The following PRKACB variants were observed in gnomAD, a reference collection of about 807,000 sequenced individuals.
The protein encoded by PRKACB is protein kinase cAMP-activated catalytic subunit beta.
Under a neutral mutation model 51.4 loss-of-function variants are expected in PRKACB, and 16 were observed. That is an observed-to-expected ratio of 0.31 (90% CI 0.21 to 0.47). PRKACB has a LOEUF of 0.47. Among genes scored for constraint, PRKACB ranks in the 20% least tolerant of loss-of-function variants. The probability of loss-of-function intolerance (pLI) is 1.00; values close to 1 mark genes in which losing one functional copy is unlikely to be tolerated. For missense variants in PRKACB, 309 were observed against 464.5 expected (o/e 0.67, Z 3.08); for synonymous variants, 147 against 154.4 (o/e 0.95, Z 0.35).
At chr1:84,081,671 A>C (rs765723464) in intron 1 of PRKACB, among the ~76,000 whole-genome samples, 2 of 152,124 alleles carry the variant, frequency 1.3e-5, no homozygotes, top group African/African-American at 2.4e-5. Context: ...AGTCACCAAC[A>C]CACCAAAAAA....
intron 1 of PRKACB, among the ~76,000 whole-genome samples, chr1:84,108,111 T>C (rs1016404762): frequency 7.2e-5 from 11 of 151,918 alleles, no homozygotes; most frequent in Admixed American, 7.2e-4. Context: ...ATAAAGAAAA[T>C]GTACATATAC....
intron 8 of PRKACB, among the ~76,000 whole-genome samples, chr1:84,203,748 A>G (rs116404636): frequency 6.3e-4 from 96 of 152,108 alleles, no homozygotes; most frequent in African/African-American, 2.1e-3. Context: ...CAGGAAATAG[A>G]GCATCAATCT....
intron 1 of PRKACB, 73 bp downstream of exon 1, chr1:84,144,621 T>TCC: frequency 7.2e-7 from 1 of 1,394,880 alleles, no homozygotes; most frequent in South Asian, 1.3e-5. Context: ...CAATCAAACA[T>TCC]AAAGAACCCT....
intron 1 of PRKACB, among the ~76,000 whole-genome samples, chr1:84,104,887 T>C (rs1649611736): frequency 6.6e-6 from 1 of 152,182 alleles, no homozygotes; most frequent in Non-Finnish European, 1.5e-5. Context: ...TATTCCTCAG[T>C]ACCTTGCATC....
At chr1:84,138,906 A>G (rs1382680213) in intron 1 of PRKACB, among the ~76,000 whole-genome samples, 1 of 152,204 alleles carries the variant, frequency 6.6e-6, no homozygotes, top group Non-Finnish European at 1.5e-5. Flanking sequence ...GCAACCCACC[A>G]TATTAGTAGA....
At chr1:84,171,073 C>T (rs556780641) in intron 1 of PRKACB, among the ~76,000 whole-genome samples, 1 of 151,650 alleles carries the variant, frequency 6.6e-6, no homozygotes, top group South Asian at 2.1e-4. Context: ...AAAAATCACA[C>T]AAATGTATAC....
intron 1 of PRKACB, among the ~76,000 whole-genome samples, chr1:84,165,523 T>A (rs1657138550): frequency 6.6e-6 from 1 of 151,856 alleles, no homozygotes; most frequent in South Asian, 2.1e-4. Flanking sequence ...AAGGATTTAA[T>A]GATGAAATAA....
At chr1:84,201,699 G>C (rs1367389670) in intron 7 of PRKACB, among the ~76,000 whole-genome samples, 1 of 152,056 alleles carries the variant, frequency 6.6e-6, no homozygotes, top group Non-Finnish European at 1.5e-5. Context: ...GTGGAATGTG[G>C]TGAGTCGTGA....
rs1676635771 is a variant in PRKACB, at chr1:84,236,090, A to G, written c.*785A>G. On this transcript the variant is annotated 3_prime_UTR_variant, in exon 10 of 10. Coordinates refer to ENST00000370685, the MANE Select transcript of PRKACB (RefSeq NM_182948.4). The stretch of plus-strand genomic sequence containing the variant: ...CACCCAGATTCTCTCACTTGGTACC[A>G]GCATTTCTGTAGGTATTAGAGAAGA... 1 of 152,644 alleles carries G rather than the reference A, an allele frequency of 6.6e-6. No individual in the cohort carries two copies. Among genetic ancestry groups the G allele is most frequent in the Non-Finnish European group, 1.5e-5 (1 of 68,040 alleles). 9.5% of individuals were successfully genotyped at this position (152,644 alleles called of 1,614,324 possible). A position where few individuals can be genotyped will look rare whatever the true frequency, so the allele number is the denominator to read the frequency against.
intron 1 of PRKACB, among the ~76,000 whole-genome samples, chr1:84,117,812 T>C (rs1359210235): frequency 6.6e-6 from 1 of 152,238 alleles, no homozygotes; most frequent in African/African-American, 2.4e-5. Flanking sequence ...ACTTTGTTTC[T>C]TTTCTTCAGC....
chr1:84,229,126 C>G (rs190020897), intron 9 of PRKACB, among the ~76,000 whole-genome samples: 1 of 143,384 alleles, frequency 7.0e-6, no homozygotes, highest in Non-Finnish European at 1.5e-5. Flanking sequence ...GTTCCCCTTC[C>G]TGTGTCCATG....
At chr1:84,161,905 T>G (rs1468089750) in intron 1 of PRKACB, among the ~76,000 whole-genome samples, 1 of 152,016 alleles carries the variant, frequency 6.6e-6, no homozygotes, top group African/African-American at 2.4e-5. Flanking sequence ...ATATTTACCA[T>G]TTTTAGTGCT....
intron 3 of PRKACB, 112 bp from the exon 4 acceptor site, chr1:84,183,925 T>C (rs1664342258): frequency 8.8e-7 from 1 of 1,137,782 alleles, no homozygotes. Context: ...CCTTATCCAA[T>C]TCTAACAATT....
At chr1:84,130,418 C>G (rs1005800658) in intron 1 of PRKACB, among the ~76,000 whole-genome samples, 5 of 151,856 alleles carry the variant, frequency 3.3e-5, no homozygotes, top group Non-Finnish European at 7.4e-5. Flanking sequence ...TGGAGACAAC[C>G]CAGAAAAGAG....
intron 1 of PRKACB, among the ~76,000 whole-genome samples, chr1:84,117,035 T>G (rs1008954903): frequency 2.0e-5 from 3 of 149,296 alleles, no homozygotes; most frequent in South Asian, 4.3e-4. Flanking sequence ...GGATGTTGAG[T>G]TTTTTTTTTC....
chr1:84,199,018 TATATATACAC>T (rs903219719), intron 7 of PRKACB, among the ~76,000 whole-genome samples: 5 of 148,076 alleles, frequency 3.4e-5, no homozygotes, highest in African/African-American at 1.2e-4. Flanking sequence ...CATATATGCG[TATATATACAC>T]ATATATACGC....
intron 5 of PRKACB, among the ~76,000 whole-genome samples, chr1:84,194,008 C>G (rs2101146937): frequency 6.6e-6 from 1 of 152,240 alleles, no homozygotes; most frequent in South Asian, 2.1e-4. Context: ...CATTTATTGA[C>G]TTACTATGCA....
chr1:84,133,404 A>G (rs1400329167), intron 1 of PRKACB, among the ~76,000 whole-genome samples: 4 of 152,220 alleles, frequency 2.6e-5, no homozygotes, highest in African/African-American at 9.6e-5. Flanking sequence ...AAATAATGAT[A>G]AAAGGAAAAA....
At chr1:84,228,588 C>T (rs570418979) in intron 9 of PRKACB, among the ~76,000 whole-genome samples, 41 of 151,406 alleles carry the variant, frequency 2.7e-4, no homozygotes, top group Non-Finnish European at 4.6e-4. Context: ...TTATAGAAGA[C>T]CATATTCGAA....
Sources: allele counts gnomAD v4.1 joint callset (sites outside exome capture counted in the v4.1 genomes callset), GRCh38; gene constraint gnomAD v4.1.1; transcripts MANE v1.5; gene names NCBI Gene and HGNC (gene_info 2026-07-23, HGNC 2026-07-21).